ASPRV1: variants seen among roughly 807,000 people sequenced by gnomAD.
ASPRV1 encodes retroviral-like aspartic protease 1.
ASPRV1 carries 7 observed loss-of-function variants against 11.0 expected under a neutral mutation model. The observed-to-expected ratio is 0.64, with a 90% CI of 0.36 to 1.20. The LOEUF (loss-of-function observed/expected upper bound fraction) is 1.20, where lower values mean the gene tolerates loss of function less well. ASPRV1 is among the 50% of genes most tolerant of loss of function. The probability of loss-of-function intolerance (pLI) is 0.02; values close to 1 mark genes in which losing one functional copy is unlikely to be tolerated. For synonymous variants in ASPRV1, 136 were observed against 138.4 expected, an observed-to-expected ratio of 0.98 and a Z score of 0.12; for missense variants, 299 against 320.0, an observed-to-expected ratio of 0.93 and a Z score of 0.50.
At chr2:70,071,047 C>T in the ASPRV1 span, among the ~76,000 whole-genome samples, 1 of 152,056 alleles carries the variant, frequency 6.6e-6, no homozygotes, top group African/African-American at 2.4e-5. Flanking sequence ...TGTCAAGTGC[C>T]CGGATAAACT....
At chr2:70,068,714 G>A in the ASPRV1 span, among the ~76,000 whole-genome samples, 1 of 151,564 alleles carries the variant, frequency 6.6e-6, no homozygotes, top group East Asian at 1.9e-4. Flanking sequence ...CGGATCACCT[G>A]ACTCAGGTCG....
the ASPRV1 span, among the ~76,000 whole-genome samples, chr2:70,040,588 C>A: frequency 6.6e-6 from 1 of 152,152 alleles, no homozygotes; most frequent in Non-Finnish European, 1.5e-5. Context: ...GTAATCCCAG[C>A]ACTTTGGGAG....
chr2:70,039,135 C>T, the ASPRV1 span, among the ~76,000 whole-genome samples: 1 of 151,204 alleles, frequency 6.6e-6, no homozygotes, highest in Non-Finnish European at 1.5e-5. Flanking sequence ...AATGACAAAT[C>T]CCTAGTGGAG....
chr2:69,988,617 T>G, the ASPRV1 span: 1 of 356,668 alleles, frequency 2.8e-6, no homozygotes, highest in South Asian at 2.1e-5. Flanking sequence ...GATGGTTACA[T>G]GATATTGTAA....
At chr2:70,083,374 A>G in the ASPRV1 span, 1 of 152,260 alleles carries the variant, frequency 6.6e-6, no homozygotes, top group Non-Finnish European at 1.5e-5. Flanking sequence ...TGTGATGATT[A>G]AACAAGTAAC....
downstream of ASPRV1, among the ~76,000 whole-genome samples, chr2:69,956,715 CG>C (rs1216209956): frequency 6.6e-6 from 1 of 152,004 alleles, no homozygotes; most frequent in Non-Finnish European, 1.5e-5. Context: ...TTACTCATGA[CG>C]GGGGTAAAAT....
the ASPRV1 span, among the ~76,000 whole-genome samples, chr2:70,002,366 TG>T: frequency 6.6e-6 from 1 of 152,224 alleles, no homozygotes; most frequent in South Asian, 2.1e-4. Context: ...TCACATTTCT[TG>T]TGTGTTCTTC....
the ASPRV1 span, among the ~76,000 whole-genome samples, chr2:70,020,945 A>C: frequency 6.6e-6 from 1 of 152,212 alleles, no homozygotes; most frequent in Non-Finnish European, 1.5e-5. Context: ...TGATGGTTGC[A>C]CAATATAAAT....
At chr2:69,993,228 C>T in the ASPRV1 span, among the ~76,000 whole-genome samples, 2 of 152,164 alleles carry the variant, frequency 1.3e-5, no homozygotes, top group African/African-American at 2.4e-5. Flanking sequence ...CCTACCCCTC[C>T]GCCACTGCTC....
chr2:70,012,640 G>C, the ASPRV1 span, among the ~76,000 whole-genome samples: 1 of 151,972 alleles, frequency 6.6e-6, no homozygotes, highest in East Asian at 1.9e-4. Flanking sequence ...TCAACAGAAA[G>C]GCAAACTTAA....
chr2:69,974,998 G>A, the ASPRV1 span, among the ~76,000 whole-genome samples: 1 of 152,184 alleles, frequency 6.6e-6, no homozygotes, highest in Non-Finnish European at 1.5e-5. Context: ...AGAGCTCCTG[G>A]GGCAGGGGTC....
At chr2:69,951,194 G>C in the ASPRV1 span, among the ~76,000 whole-genome samples, 1 of 151,944 alleles carries the variant, frequency 6.6e-6, no homozygotes, top group Non-Finnish European at 1.5e-5. Flanking sequence ...GGGAGGCTGA[G>C]GCAGGCAGAT....
the ASPRV1 span, among the ~76,000 whole-genome samples, chr2:70,005,941 G>A: frequency 2.6e-5 from 4 of 152,184 alleles, no homozygotes; most frequent in Non-Finnish European, 2.9e-5. Flanking sequence ...CATGTGCTGG[G>A]CACTGTCTGC....
the ASPRV1 span, among the ~76,000 whole-genome samples, chr2:70,037,480 C>T: frequency 1.3e-5 from 2 of 152,168 alleles, no homozygotes; most frequent in Non-Finnish European, 2.9e-5. Flanking sequence ...GTGTGCACCA[C>T]CACTCCTGGC....
chr2:69,982,742 C>T, the ASPRV1 span, among the ~76,000 whole-genome samples: 1 of 152,104 alleles, frequency 6.6e-6, no homozygotes, highest in Non-Finnish European at 1.5e-5. Context: ...CTTCTCAGGC[C>T]TGCAGCTGGT....
At chr2:70,057,180 T>C in the ASPRV1 span, among the ~76,000 whole-genome samples, 2 of 151,888 alleles carry the variant, frequency 1.3e-5, no homozygotes, top group African/African-American at 2.4e-5. Context: ...GGTAGGTGGA[T>C]TGCTTGAGTC....
At chr2:69,999,174 G>C in the ASPRV1 span, among the ~76,000 whole-genome samples, 1 of 152,046 alleles carries the variant, frequency 6.6e-6, no homozygotes, top group African/African-American at 2.4e-5. Flanking sequence ...AGGTGCAATC[G>C]CAACGCACTA....
the ASPRV1 span, among the ~76,000 whole-genome samples, chr2:70,004,901 A>G: frequency 1.3e-5 from 2 of 151,892 alleles, no homozygotes; most frequent in African/African-American, 4.8e-5. Context: ...CCTTTTGTCT[A>G]TTTTGTTAAA....
the ASPRV1 span, chr2:69,935,231 T>C: frequency 1.0e-5 from 7 of 691,046 alleles, no homozygotes; most frequent in African/African-American, 1.1e-4. Flanking sequence ...AAAAGGTCAT[T>C]GGTAGCATTT....
Sources: gnomAD v4.1 joint callset for allele counts (sites outside exome capture counted in the v4.1 genomes callset) on GRCh38, gnomAD v4.1.1 for gene constraint, MANE v1.5 for transcripts, NCBI Gene and HGNC (gene_info 2026-07-23, HGNC 2026-07-21) for gene names.